RARA: variants seen among roughly 807,000 people sequenced by gnomAD.
The protein encoded by RARA is PML-DDX5-RARA fusion.
RARA carries 5 observed loss-of-function variants against 42.8 expected under a neutral mutation model. The ratio of observed to expected loss-of-function variants is 0.12; its 90% CI spans 0.06 to 0.25. The LOEUF is 0.25. Ranked by LOEUF, RARA falls within the 10% of genes least tolerant of loss-of-function variation. RARA has a pLI of 1.00. For synonymous variants in RARA, 256 were observed against 259.5 expected (o/e 0.99, Z 0.13); for missense variants, 402 against 628.7 (o/e 0.64, Z 3.86).
chr17:40,310,348 G>C (rs767947845), intron 1 of RARA, among the ~76,000 whole-genome samples: 1 of 151,618 alleles, frequency 6.6e-6, no homozygotes, highest in Non-Finnish European at 1.5e-5. Context: ...CACCTTGTCT[G>C]ACTTACCATG....
chr17:40,310,844 A>T (rs999962675), intron 1 of RARA, among the ~76,000 whole-genome samples: 1 of 151,956 alleles, frequency 6.6e-6, no homozygotes, highest in Admixed American at 6.6e-5. Context: ...TGGCTGGGGG[A>T]ATCTAGGATG....
At chr17:40,344,756 G>T (rs2034199341) in intron 2 of RARA, among the ~76,000 whole-genome samples, 1 of 152,210 alleles carries the variant, frequency 6.6e-6, no homozygotes, top group Admixed American at 6.5e-5. Context: ...TGAGGTGTCA[G>T]TGGACTCGGG....
At chr17:40,333,518 T>C (rs1160915085) in intron 2 of RARA, among the ~76,000 whole-genome samples, 3 of 151,162 alleles carry the variant, frequency 2.0e-5, no homozygotes, top group African/African-American at 7.3e-5. Flanking sequence ...GTATTTTTAG[T>C]AGAGATGGGG....
At chr17:40,311,902 C>T (rs563756902) in intron 1 of RARA, among the ~76,000 whole-genome samples, 1 of 152,340 alleles carries the variant, frequency 6.6e-6, no homozygotes, top group Admixed American at 6.5e-5. Context: ...CAGCACATGC[C>T]CAGCCTGGCA....
rs1316873402 is a variant in RARA, at chr17:40,356,695, T to C, written c.*469T>C. On this transcript the variant is annotated 3_prime_UTR_variant, in exon 9 of 9. Coordinates refer to ENST00000254066, the MANE Select transcript of RARA (RefSeq NM_000964.4). ...AGGGGCGGGGGGTTCCCCCTGTACA[T>C]ACCCTGCCATACCAACCCCAGGTAT... 1 of 538,304 alleles carries C rather than the reference T, an allele frequency of 1.9e-6. No individual in the cohort carries two copies. Among genetic ancestry groups the C allele is most frequent in the Non-Finnish European group, 3.6e-6 (1 of 279,636 alleles). 33.3% of individuals were successfully genotyped at this position (538,304 alleles called of 1,614,324 possible). A position where few individuals can be genotyped will look rare whatever the true frequency, so the allele number is the denominator to read the frequency against.
At chr17:40,323,624 C>T (rs1167295775) in intron 1 of RARA, among the ~76,000 whole-genome samples, 2 of 151,840 alleles carry the variant, frequency 1.3e-5, no homozygotes, top group Admixed American at 6.6e-5. Flanking sequence ...GACCTATTAT[C>T]CCTATCCACC....
intron 2 of RARA, chr17:40,342,634 C>A: frequency 1.4e-4 from 206 of 1,517,094 alleles, no homozygotes; most frequent in East Asian, 7.1e-4. Flanking sequence ...GCTCGGATGG[C>A]GCCGCCGGCT....
At position 40,331,004 on chromosome 17, in the gene RARA, A is replaced by AT; in HGVS notation, c.-214dup. On this transcript the variant is annotated 5_prime_UTR_variant, in exon 2 of 9. Coordinates refer to ENST00000254066, the MANE Select transcript of RARA (RefSeq NM_000964.4). ...TGACCAAAGGACCGGCTCTTGAGACATCCCCCAACCCACCTGGCCCCCAGC... is the reference window on the plus strand; with the variant it reads ...TGACCAAAGGACCGGCTCTTGAGACATTCCCCCAACCCACCTGGCCCCCAGC... The AT allele has an allele frequency of 1.9e-6, 1 of 530,784 alleles. No homozygotes were observed. The highest frequency in any genetic ancestry group is 3.7e-5 in the Admixed American group (1 of 26,894). 32.9% of individuals were successfully genotyped at this position (530,784 alleles called of 1,614,324 possible). A position where few individuals can be genotyped will look rare whatever the true frequency, so the allele number is the denominator to read the frequency against.
intron 1 of RARA, among the ~76,000 whole-genome samples, chr17:40,315,288 G>A (rs909464504): frequency 2.0e-5 from 3 of 151,268 alleles, no homozygotes; most frequent in East Asian, 1.9e-4. Context: ...AACTCCTGGC[G>A]TCCCATCTTG....
At chr17:40,317,196 C>T (rs2033232884) in intron 1 of RARA, among the ~76,000 whole-genome samples, 1 of 152,232 alleles carries the variant, frequency 6.6e-6, no homozygotes, top group African/African-American at 2.4e-5. Flanking sequence ...GGCTGGAGGC[C>T]TGGGAGTGCA....
rs2033348304 is a variant in RARA, at chr17:40,320,637, T to C, written c.-362-10220T>C. 6.6e-6 allele frequency among the ~76,000 whole-genome samples: 1 copy of C among 152,218 alleles called. No homozygotes were observed. The highest frequency in any genetic ancestry group is 2.1e-4 in the South Asian group (1 of 4,836). Reference sequence around the variant, plus strand: ...TGGGATGGTCCTCAGAACCGTGTGATGTGACGGTGGGGCCTGTCCCAAAAT... The same window carrying C: ...TGGGATGGTCCTCAGAACCGTGTGACGTGACGGTGGGGCCTGTCCCAAAAT... On this transcript the variant is annotated intron_variant, in intron 1 of 8. Coordinates refer to ENST00000254066, the MANE Select transcript of RARA (RefSeq NM_000964.4). This position sits in a 1 kb window ranked among gnomAD's most constrained non-coding sequence, Gnocchi z 4.1.
In RARA at chr17:40,356,046, G is replaced by C. The variant is rs751753990; in HGVS notation, c.1209G>C (p.Pro403=). ...ERVITLKMEI[P]GSMPPLIQEM... is the part of the protein sequence containing the mutation. ...TGATCACGCTGAAGATGGAGATCCCGGGCTCCATGCCGCCTCTCATCCAGG... is the reference window on the plus strand; with the variant it reads ...TGATCACGCTGAAGATGGAGATCCCCGGCTCCATGCCGCCTCTCATCCAGG... Residue 403 remains proline (P), a synonymous_variant, in exon 9 of 9, where the codon CCG becomes CCC. Coordinates refer to ENST00000254066, the MANE Select transcript of RARA (RefSeq NM_000964.4). The C allele has an allele frequency of 6.2e-7, 1 of 1,607,584 alleles. No individual in the cohort carries two copies.
rs1024941109 is a variant in RARA, at chr17:40,355,192, G to GC, written c.1013-65dup. On this transcript the variant is annotated intron_variant, in intron 7 of 8. Transcript: ENST00000254066. This position sits in a 1 kb window ranked among gnomAD's most constrained non-coding sequence, Gnocchi z 4.1. ...CCTCCTCCATGGCCTGGGCAGGCACGCCCCCCGGTGGCCGAGGCTGGGGGT... is the reference window on the plus strand; with the variant it reads ...CCTCCTCCATGGCCTGGGCAGGCACGCCCCCCCGGTGGCCGAGGCTGGGGGT... The GC allele has an allele frequency of 4.7e-6, 7 of 1,490,296 alleles. No individual in the cohort carries two copies. Among genetic ancestry groups the GC allele is most frequent in the Admixed American group, 4.5e-5 (2 of 44,760 alleles). 92.3% of individuals were successfully genotyped at this position (1,490,296 alleles called of 1,614,324 possible). A position where few individuals can be genotyped will look rare whatever the true frequency, so the allele number is the denominator to read the frequency against.
At chr17:40,350,267 GAGGCAT>G in intron 4 of RARA, 1 of 307,434 alleles carries the variant, frequency 3.3e-6, no homozygotes, top group Non-Finnish European at 6.2e-6. Flanking sequence ...GTGGGGCTCA[GAGGCAT>G]AGGCAGTCCC....
rs552200563 is a variant in RARA at position 40,351,794 on chromosome 17, C to T, written c.470-116C>T. ...TGCCCGTGAACGCGTGCTGTGTGCG[C>T]GTGCTTACAAGCCTGGGTGACCTCC... On this transcript the variant is annotated intron_variant, in intron 4 of 8. Transcript: ENST00000254066. The surrounding 1 kb of genome is among the most constrained non-coding windows in gnomAD (Gnocchi z 4.1). 2.3e-5 allele frequency: 31 copies of T among 1,366,028 alleles called. No individual in the cohort carries two copies. Among genetic ancestry groups the T allele is most frequent in the Admixed American group, 1.0e-4 (4 of 38,256 alleles). 84.6% of individuals were successfully genotyped at this position (1,366,028 alleles called of 1,614,324 possible).
In RARA at chr17:40,354,227, G is replaced by A. The variant is rs2143519221; in HGVS notation, c.808-75G>A. On this transcript the variant is annotated intron_variant, in intron 6 of 8. Transcript: ENST00000254066. This position sits in a 1 kb window ranked among gnomAD's most constrained non-coding sequence, Gnocchi z 4.5. ...GCCAGGTGGTCCTCCGGGAGTGCTG[G>A]TGCGGAGTGCTGGTGCCGAGTGCTC... The A allele has an allele frequency of 7.1e-7, 1 of 1,415,486 alleles. No homozygotes were observed. The allele number at this position is 1,415,486 out of a possible 1,614,324, so 87.7% of individuals were successfully genotyped here.
At chr17:40,323,543 A>G (rs1598540554) in intron 1 of RARA, among the ~76,000 whole-genome samples, 3 of 151,770 alleles carry the variant, frequency 2.0e-5, no homozygotes, top group Admixed American at 2.0e-4. Context: ...TCCCCTGCAC[A>G]CACAGCCTGC....
rs1035810896 is a variant in RARA at position 40,352,876 on chromosome 17, C to T, written c.807+369C>T. On this transcript the variant is annotated intron_variant, in intron 6 of 8. Transcript: ENST00000254066. This position sits in a 1 kb window ranked among gnomAD's most constrained non-coding sequence, Gnocchi z 4.9. ...GGAGGATCACTTGAGGCTGGAAGTT[C>T]AAGACCACCCTGGGCAACATAGTGA... Among the ~76,000 whole-genome samples, 9 of 152,122 alleles carry T rather than the reference C, an allele frequency of 5.9e-5. No homozygotes were observed. The highest frequency in any genetic ancestry group is 2.2e-4 in the African/African-American group (9 of 41,416).
chr17:40,324,373 CT>C (rs1375163333), intron 1 of RARA, among the ~76,000 whole-genome samples: 3 of 151,906 alleles, frequency 2.0e-5, no homozygotes, highest in Non-Finnish European at 4.4e-5. Context: ...CTACTCGTTG[CT>C]TGGAGTAGGG....
Sources: gnomAD v4.1 joint callset for allele counts (sites outside exome capture counted in the v4.1 genomes callset) on GRCh38, gnomAD v4.1.1 for gene constraint, Gnocchi (gnomAD v3.1) non-coding constraint, MANE v1.5 for transcripts, NCBI Gene and HGNC (gene_info 2026-07-23, HGNC 2026-07-21) for gene names.